Variants in DPP10 observed in about 807,000 individuals in gnomAD.
DPP10 encodes the protein dipeptidyl peptidase like 10.
A neutral mutation model predicts 120.9 loss-of-function variants in DPP10; 33 were observed. That is an observed-to-expected ratio of 0.27 (90% CI 0.21 to 0.37). The LOEUF is 0.37. Ranked by LOEUF, DPP10 falls within the 10% of genes least tolerant of loss-of-function variation. DPP10 has a pLI of 1.00. For missense variants in DPP10, 816 were observed against 942.8 expected (o/e 0.87, Z 1.76); for synonymous variants, 337 against 326.1 (o/e 1.03, Z -0.36).
chr2:114,462,851 C>T (rs1679043596), intron 1 of DPP10, among the ~76,000 whole-genome samples: 1 of 152,174 alleles, frequency 6.6e-6, no homozygotes, highest in Non-Finnish European at 1.5e-5. Context: ...CTGTCTCTTC[C>T]TCTTCTCCCA....
chr2:115,265,182 C>A (rs1279199208), intron 1 of DPP10, among the ~76,000 whole-genome samples: 1 of 151,624 alleles, frequency 6.6e-6, no homozygotes, highest in Non-Finnish European at 1.5e-5. Context: ...TTTGATCTTG[C>A]CAATTTCACA....
intron 8 of DPP10, among the ~76,000 whole-genome samples, chr2:115,732,054 G>A (rs1437316171): frequency 6.7e-6 from 1 of 150,172 alleles, no homozygotes; most frequent in Non-Finnish European, 1.5e-5. Flanking sequence ...ATATTGCCTA[G>A]GGAATGCATG....
intron 1 of DPP10, among the ~76,000 whole-genome samples, chr2:115,276,774 T>C (rs1181134580): frequency 6.6e-6 from 1 of 152,206 alleles, no homozygotes; most frequent in Non-Finnish European, 1.5e-5. Context: ...ATTTATCATA[T>C]TCCTTTTTAC....
chr2:114,626,544 G>A (rs893399850), intron 1 of DPP10, among the ~76,000 whole-genome samples: 38 of 151,872 alleles, frequency 2.5e-4, no homozygotes, highest in African/African-American at 8.7e-4. Context: ...TTGGCGGGGT[G>A]GTCACTAAAT....
intron 1 of DPP10, among the ~76,000 whole-genome samples, chr2:115,273,861 A>C (rs2059802959): frequency 6.6e-6 from 1 of 152,200 alleles, no homozygotes; most frequent in African/African-American, 2.4e-5. Flanking sequence ...TTTGGGTAGA[A>C]CGCTAATAAT....
chr2:114,838,378 C>G (rs560567257), intron 1 of DPP10, among the ~76,000 whole-genome samples: 2 of 152,148 alleles, frequency 1.3e-5, no homozygotes, highest in East Asian at 3.9e-4. Context: ...AGTGCAGTGT[C>G]ACTTGGCTCA....
intron 1 of DPP10, among the ~76,000 whole-genome samples, chr2:115,168,168 T>C (rs1056068009): frequency 2.0e-5 from 3 of 152,062 alleles, no homozygotes; most frequent in African/African-American, 7.2e-5. Context: ...TTTTCACAAA[T>C]TTTTTCTACA....
At chr2:115,019,471 G>A (rs959257113) in intron 1 of DPP10, among the ~76,000 whole-genome samples, 2 of 151,524 alleles carry the variant, frequency 1.3e-5, no homozygotes, top group Non-Finnish European at 2.9e-5. Context: ...ACAAAAACAA[G>A]GAAAAATGAA....
chr2:115,087,844 G>A (rs1055640120), intron 1 of DPP10, among the ~76,000 whole-genome samples: 3 of 152,056 alleles, frequency 2.0e-5, no homozygotes, highest in Non-Finnish European at 4.4e-5. Context: ...ATGAGTCACC[G>A]CACCCAGCCA....
intron 21 of DPP10, among the ~76,000 whole-genome samples, chr2:115,816,922 C>T (rs116044902): frequency 0.013 from 1,937 of 144,604 alleles, 46 homozygotes; most frequent in African/African-American, 0.044. Context: ...GCCTATTGAG[C>T]TTGTTTTTAA....
intron 1 of DPP10, among the ~76,000 whole-genome samples, chr2:114,955,217 G>T (rs968403488): frequency 9.9e-5 from 15 of 152,142 alleles, no homozygotes; most frequent in African/African-American, 3.4e-4. Context: ...GACCATATAG[G>T]GTAACTTCCT....
chr2:115,549,464 G>A (rs2079738130), intron 5 of DPP10, among the ~76,000 whole-genome samples: 1 of 151,952 alleles, frequency 6.6e-6, no homozygotes, highest in South Asian at 2.1e-4. Flanking sequence ...TATCATTCAT[G>A]CATTCTTTCC....
chr2:115,603,570 G>T lies in DPP10; in HGVS notation c.441+77598G>T, dbSNP rs72826479. Among the ~76,000 whole-genome samples, 630 of 99,006 alleles carry T rather than the reference G, an allele frequency of 6.4e-3. 11 individuals carry two copies. The highest frequency in any genetic ancestry group is 0.057 in the Middle Eastern group (8 of 140). 65.0% of individuals were successfully genotyped at this position (99,006 alleles called of 152,430 possible). A position where few individuals can be genotyped will look rare whatever the true frequency, so the allele number is the denominator to read the frequency against. On this transcript the variant is annotated intron_variant, in intron 5 of 25. Coordinates refer to ENST00000410059, the MANE Select transcript of DPP10 (RefSeq NM_020868.6). ...GTTTTCGTTGTTGTTGTTTTTTTTT[G>T]TTTTTTTTTTTTTTGGATTTCTTGA... is the stretch of plus-strand genomic sequence containing the variant.
intron 7 of DPP10, among the ~76,000 whole-genome samples, chr2:115,702,409 A>G (rs576478656): frequency 7.9e-5 from 12 of 152,220 alleles, no homozygotes; most frequent in Middle Eastern, 6.8e-3. Context: ...AATTATTCAT[A>G]GTAACCAAAA....
chr2:115,439,774 A>G (rs1217783005), intron 3 of DPP10, among the ~76,000 whole-genome samples: 2 of 152,180 alleles, frequency 1.3e-5, no homozygotes. Flanking sequence ...TCTGAGTTAG[A>G]CGGCAAAATA....
chr2:115,353,985 TTTGTAA>T (rs1413820478), intron 3 of DPP10, among the ~76,000 whole-genome samples: 2 of 152,184 alleles, frequency 1.3e-5, no homozygotes, highest in Non-Finnish European at 2.9e-5. Flanking sequence ...AAAGATTTTC[TTTGTAA>T]TTGTATATGA....
intron 1 of DPP10, among the ~76,000 whole-genome samples, chr2:114,693,769 G>C (rs145938738): frequency 1.3e-5 from 2 of 151,770 alleles, no homozygotes; most frequent in African/African-American, 2.4e-5. Flanking sequence ...TGGAGGTTTC[G>C]TTTGCTCTTT....
At chr2:115,000,954 G>C (rs1273738589) in intron 1 of DPP10, among the ~76,000 whole-genome samples, 1 of 152,126 alleles carries the variant, frequency 6.6e-6, no homozygotes, top group Non-Finnish European at 1.5e-5. Context: ...CACTATTTCA[G>C]AGCTGAAAAC....
At chr2:115,839,688 A>AAG (rs1261395897) in intron 24 of DPP10, among the ~76,000 whole-genome samples, 3 of 151,654 alleles carry the variant, frequency 2.0e-5, no homozygotes, top group Non-Finnish European at 4.4e-5. Context: ...AAAAAAAAAA[A>AAG]AAAGGCAGCT....
Sources: gnomAD v4.1 joint callset for allele counts (sites outside exome capture counted in the v4.1 genomes callset) on GRCh38, gnomAD v4.1.1 for gene constraint, MANE v1.5 for transcripts, NCBI Gene and HGNC (gene_info 2026-07-23, HGNC 2026-07-21) for gene names.